The following ZER1 variants were observed in gnomAD, a reference collection of about 807,000 sequenced individuals.
ZER1 encodes the protein zyg-11 related cell cycle regulator.
A neutral mutation model predicts 78.8 loss-of-function variants in ZER1; 11 were observed. That is an observed-to-expected ratio of 0.14 (90% confidence interval 0.09 to 0.23). The LOEUF (loss-of-function observed/expected upper bound fraction) is 0.23. Among genes scored for constraint, ZER1 ranks in the 10% least tolerant of loss-of-function variants. The pLI is 1.00. For missense variants in ZER1, 588 were observed against 996.9 expected (o/e 0.59, Z 5.52); for synonymous variants, 400 against 407.0 (o/e 0.98, Z 0.21).
chr9:128,750,481 G>A, intron 8 of ZER1, 135 bp downstream of exon 8: 2 of 1,039,296 alleles, frequency 1.9e-6, no homozygotes, highest in South Asian at 3.1e-5. Flanking sequence ...GGTCCCAAGA[G>A]TCAGGGAGTG....
rs555669390 is a variant in ZER1, at chr9:128,767,446, A to G, written c.-95+4135T>C. On this transcript the variant is annotated intron_variant, in intron 1 of 15. Coordinates refer to ENST00000291900, the MANE Select transcript of ZER1 (RefSeq NM_006336.4). ...TTTTTTGTAGCGATGAGGGCTCACCATGTTGCCCAGGCTTGTCTCAAACTC... is the reference window on the plus strand; with the variant it reads ...TTTTTTGTAGCGATGAGGGCTCACCGTGTTGCCCAGGCTTGTCTCAAACTC... Among the ~76,000 whole-genome samples the G allele has an allele frequency of 4.0e-5, 6 of 151,552 alleles. 1 individual carries two copies. The highest frequency in any genetic ancestry group is 8.8e-5 in the Non-Finnish European group (6 of 67,960).
intron 5 of ZER1, 147 bp downstream of exon 5, chr9:128,752,526 G>T: frequency 1.2e-6 from 1 of 834,556 alleles, no homozygotes; most frequent in Non-Finnish European, 1.8e-6. Context: ...TCACCATGTT[G>T]GCCAGGCTGG....
At chr9:128,742,505 AG>A in intron 9 of ZER1, 24 bp downstream of exon 9, 1 of 1,607,504 alleles carries the variant, frequency 6.2e-7, no homozygotes. Flanking sequence ...CTCAGGAGGA[AG>A]GGGGCAGCGC....
At chr9:128,744,141 C>T (rs1863404877) in intron 8 of ZER1, among the ~76,000 whole-genome samples, 1 of 152,038 alleles carries the variant, frequency 6.6e-6, no homozygotes, top group Non-Finnish European at 1.5e-5. Flanking sequence ...TCGTGATCCA[C>T]CCACCTCGGC....
chr9:128,755,453 G>A lies in ZER1; in HGVS notation c.113C>T (p.Pro38Leu), dbSNP rs540575103. The change falls in exon 2 of 16, where the codon CCG becomes CTG. Residue 38 changes from proline to leucine, a missense_variant. Coordinates refer to ENST00000291900, the MANE Select transcript of ZER1 (RefSeq NM_006336.4). This position sits in a 1 kb window ranked among gnomAD's most constrained non-coding sequence, Gnocchi z 5.6. Reference sequence around the variant, plus strand: ...GATCTCGCTGGGCAAGAAGATGTCCGGATGTAGCCGCAGGGTCTCCTTGTC... The same window carrying A: ...GATCTCGCTGGGCAAGAAGATGTCCAGATGTAGCCGCAGGGTCTCCTTGTC... ...LLDKETLRLH[P>L]DIFLPSEICD... is the part of the protein sequence containing the mutation. The A allele has an allele frequency of 4.3e-6, 7 of 1,614,008 alleles. No homozygotes were observed. The East Asian group carries it at 6.7e-5, about 15-fold the overall frequency.
chr9:128,767,943 T>C (rs1032753166), intron 1 of ZER1, among the ~76,000 whole-genome samples: 2 of 152,194 alleles, frequency 1.3e-5, no homozygotes, highest in African/African-American at 4.8e-5. Flanking sequence ...CCCCAGCCAA[T>C]GTTTTCCAGC....
At chr9:128,731,909 A>G (rs113709186) in intron 15 of ZER1, among the ~76,000 whole-genome samples, 2,244 of 152,348 alleles carry the variant, frequency 0.015, 56 homozygotes, top group African/African-American at 0.05. Context: ...GCCAGGGCTC[A>G]GCACTCCAGC....
chr9:128,749,026 A>AATATAT (rs376684927), intron 8 of ZER1, among the ~76,000 whole-genome samples: 2 of 144,226 alleles, frequency 1.4e-5, no homozygotes, highest in African/African-American at 5.1e-5. Context: ...TCTTAATTAA[A>AATATAT]ATATATATAT....
At chr9:128,756,034 T>G (rs1463572980) in intron 1 of ZER1, among the ~76,000 whole-genome samples, 1 of 152,224 alleles carries the variant, frequency 6.6e-6, no homozygotes, top group African/African-American at 2.4e-5. Flanking sequence ...TATGATTGAT[T>G]GAGCACTTAG....
intron 1 of ZER1, among the ~76,000 whole-genome samples, chr9:128,757,423 G>A (rs1863893553): frequency 6.6e-6 from 1 of 152,032 alleles, no homozygotes; most frequent in Non-Finnish European, 1.5e-5. Flanking sequence ...TTGGGAGGCT[G>A]AGGTGGGAGG....
intron 9 of ZER1, 137 bp downstream of exon 9, chr9:128,742,392 TA>T: frequency 1.0e-6 from 1 of 996,424 alleles, no homozygotes; most frequent in Non-Finnish European, 1.5e-6. Context: ...TGGTCTAGCC[TA>T]AATCCCTCAT....
chr9:128,762,798 C>T (rs1864091447), intron 1 of ZER1, among the ~76,000 whole-genome samples: 1 of 152,198 alleles, frequency 6.6e-6, no homozygotes, highest in African/African-American at 2.4e-5. Context: ...GGCACAAAAG[C>T]CAGGATGCCT....
intron 8 of ZER1, among the ~76,000 whole-genome samples, chr9:128,749,817 G>A (rs1863617221): frequency 6.6e-6 from 1 of 152,154 alleles, no homozygotes; most frequent in South Asian, 2.1e-4. Flanking sequence ...GCTGAGGCAG[G>A]TGGATCACCT....
At chr9:128,734,144 A>AATATATATATATATAT (rs1220785593) in intron 14 of ZER1, among the ~76,000 whole-genome samples, 16 of 14,388 alleles carry the variant, frequency 1.1e-3, no homozygotes, top group South Asian at 4.2e-3. Flanking sequence ...AAAAAAAAAA[A>AATATATATATATATAT]ATATATATAT....
chr9:128,770,866 C>T (rs538864066), intron 1 of ZER1, among the ~76,000 whole-genome samples: 2 of 152,236 alleles, frequency 1.3e-5, no homozygotes, highest in African/African-American at 4.8e-5. Context: ...CATTCCCCTC[C>T]CCCTTAAAAA....
chr9:128,736,772 T>C (rs753816368), intron 13 of ZER1, among the ~76,000 whole-genome samples: 2 of 150,198 alleles, frequency 1.3e-5, no homozygotes, highest in African/African-American at 4.9e-5. Flanking sequence ...TTCCAGGCCA[T>C]GCAAGTGTTC....
chr9:128,735,909 C>A (rs1863061077), intron 13 of ZER1, among the ~76,000 whole-genome samples: 1 of 151,190 alleles, frequency 6.6e-6, no homozygotes, highest in African/African-American at 2.4e-5. Context: ...TCCTGAGTAA[C>A]TGAGACTACA....
chr9:128,762,545 C>T (rs1864082462), intron 1 of ZER1, among the ~76,000 whole-genome samples: 1 of 152,252 alleles, frequency 6.6e-6, no homozygotes, highest in Non-Finnish European at 1.5e-5. Flanking sequence ...CAGCACAATA[C>T]CTCATCCCCA....
intron 1 of ZER1, among the ~76,000 whole-genome samples, chr9:128,767,744 G>A (rs1450069128): frequency 1.3e-5 from 2 of 152,078 alleles, no homozygotes; most frequent in African/African-American, 2.4e-5. Flanking sequence ...AGCCTCCGCC[G>A]CTTCCTTACA....
Sources: gnomAD v4.1 joint callset for allele counts (sites outside exome capture counted in the v4.1 genomes callset) on GRCh38, gnomAD v4.1.1 for gene constraint, Gnocchi (gnomAD v3.1) non-coding constraint, MANE v1.5 for transcripts, NCBI Gene and HGNC (gene_info 2026-07-23, HGNC 2026-07-21) for gene names.